The following RPIA variants were observed in gnomAD, a reference collection of about 807,000 sequenced individuals.
RPIA encodes ribose-5-phosphate isomerase.
RPIA carries 29 observed loss-of-function variants against 37.8 expected under a neutral mutation model. That is an observed-to-expected ratio of 0.77 (90% CI 0.57 to 1.05). The LOEUF is 1.05. Ranked by LOEUF, RPIA falls within the 50% of genes least tolerant of loss-of-function variation. The pLI, the probability that RPIA is intolerant of heterozygous loss-of-function variation, is 0.00. For synonymous variants in RPIA, 167 were observed against 157.0 expected (o/e 1.06, Z -0.48); for missense variants, 385 against 413.6 (o/e 0.93, Z 0.60).
intron 1 of RPIA, among the ~76,000 whole-genome samples, chr2:88,696,737 T>TG (rs1672753328): frequency 6.6e-6 from 1 of 152,314 alleles, no homozygotes; most frequent in African/African-American, 2.4e-5. Flanking sequence ...TAATTTATAA[T>TG]GAACAGAAAT....
At position 88,698,503 on chromosome 2, in the gene RPIA, T is replaced by C. The variant is rs749362286; in HGVS notation, c.305T>C (p.Ile102Thr). The C allele has an allele frequency of 1.2e-6, 2 of 1,614,210 alleles. No homozygotes were observed. Among genetic ancestry groups the C allele is most frequent in the Non-Finnish European group, 1.7e-6 (2 of 1,180,014 alleles). ...TGGCAGAATAACCAAGTGCTGGGAA[T>C]TGGAAGTGGTTCTACAATTGTCCAT... ...NHVRNNQVLGIGSGSTIVHAV... is the reference protein window; with the variant it reads ...NHVRNNQVLGTGSGSTIVHAV... The change falls in exon 2 of 9, where the codon ATT (isoleucine) becomes ACT (threonine). Residue 102 changes from isoleucine (I) to threonine (T), a missense_variant. By Grantham distance (89) the Ile-to-Thr change is moderately conservative (BLOSUM62 -1). Coordinates refer to ENST00000283646, the MANE Select transcript of RPIA (RefSeq NM_144563.3).
At chr2:88,699,557 G>A (rs1672802840) in intron 2 of RPIA, among the ~76,000 whole-genome samples, 1 of 152,050 alleles carries the variant, frequency 6.6e-6, no homozygotes, top group Admixed American at 6.6e-5. Context: ...GGCAATATAG[G>A]GGAGTTAAGA....
At chr2:88,738,099 G>C in intron 8 of RPIA, 23 bp downstream of exon 8, 5 of 1,513,952 alleles carry the variant, frequency 3.3e-6, no homozygotes, top group African/African-American at 1.4e-5. Flanking sequence ...GTGTTCACCA[G>C]TCATATACAC....
chr2:88,727,458 T>C (rs924371888), intron 3 of RPIA, among the ~76,000 whole-genome samples: 10 of 151,702 alleles, frequency 6.6e-5, no homozygotes, highest in African/African-American at 2.4e-4. Context: ...TAGGTAAACA[T>C]GTCATGGGGG....
chr2:88,737,930 C>T, intron 7 of RPIA, 47 bp from the exon 8 acceptor site: 15 of 1,408,102 alleles, frequency 1.1e-5, no homozygotes, highest in Non-Finnish European at 1.4e-5. Flanking sequence ...TCCTTCTCTG[C>T]CTACCTGTAT....
chr2:88,691,916 C>G lies in RPIA; in HGVS notation c.218C>G (p.Ser73Cys), dbSNP rs372920523. The G allele has an allele frequency of 3.4e-5, 55 of 1,595,506 alleles. No individual in the cohort carries two copies. The East Asian group carries it at 1.2e-3, about 36-fold the overall frequency. Residue 73 changes from serine to cysteine, a missense_variant, in exon 1 of 9, where the codon TCC becomes TGC. By Grantham distance (112) the Ser-to-Cys change is moderately radical (BLOSUM62 -1). Coordinates refer to ENST00000283646, the MANE Select transcript of RPIA (RefSeq NM_144563.3). ...TCCAACAGCATCTGCCCGGCCCCCT[C>G]CACGATGTCCAAGGCCGAGGAGGCC... ...GDSNSICPAPSTMSKAEEAKK... is the reference protein window; with the variant it reads ...GDSNSICPAPCTMSKAEEAKK...
intron 3 of RPIA, among the ~76,000 whole-genome samples, chr2:88,729,008 T>C (rs1673231284): frequency 6.6e-6 from 1 of 152,228 alleles, no homozygotes; most frequent in African/African-American, 2.4e-5. Context: ...CGTGGCATTC[T>C]CTTTCATCAC....
chr2:88,742,181 T>A (rs1673390638), intron 8 of RPIA, among the ~76,000 whole-genome samples: 1 of 152,254 alleles, frequency 6.6e-6, no homozygotes, highest in African/African-American at 2.4e-5. Flanking sequence ...GTTTTTATAG[T>A]TTCAAGTCTT....
chr2:88,748,187 G>A (rs759680829), intron 8 of RPIA, among the ~76,000 whole-genome samples: 3 of 152,002 alleles, frequency 2.0e-5, no homozygotes, highest in Non-Finnish European at 1.5e-5. Context: ...AACTCCTCCC[G>A]CCCCACCCCT....
At chr2:88,711,281 C>CT (rs2104092908) in intron 3 of RPIA, among the ~76,000 whole-genome samples, 1 of 152,300 alleles carries the variant, frequency 6.6e-6, no homozygotes, top group African/African-American at 2.4e-5. Flanking sequence ...CAAGCTATAG[C>CT]TTGGTTTTAT....
chr2:88,729,223 T>C (rs565250547), intron 3 of RPIA, 55 bp from the exon 4 acceptor site: 2 of 1,578,654 alleles, frequency 1.3e-6, no homozygotes, highest in East Asian at 2.2e-5. Context: ...ATTCTGAGAA[T>C]CCTTGTCATG....
At chr2:88,706,805 G>C (rs1200242421) in intron 3 of RPIA, among the ~76,000 whole-genome samples, 1 of 152,134 alleles carries the variant, frequency 6.6e-6, no homozygotes, top group Non-Finnish European at 1.5e-5. Context: ...ATGTAGAACT[G>C]AAATTGGACT....
At chr2:88,710,750 C>G (rs1672951799) in intron 3 of RPIA, among the ~76,000 whole-genome samples, 1 of 152,200 alleles carries the variant, frequency 6.6e-6, no homozygotes, top group Non-Finnish European at 1.5e-5. Flanking sequence ...AACTCTCCTT[C>G]AATAGCTTCA....
chr2:88,727,608 C>T (rs1673215162), intron 3 of RPIA, among the ~76,000 whole-genome samples: 1 of 152,170 alleles, frequency 6.6e-6, no homozygotes, highest in Non-Finnish European at 1.5e-5. Flanking sequence ...TCTGTTAGCT[C>T]CCACTTACAA....
At chr2:88,741,307 G>A (rs950643472) in intron 8 of RPIA, among the ~76,000 whole-genome samples, 10 of 152,088 alleles carry the variant, frequency 6.6e-5, no homozygotes, top group South Asian at 4.2e-4. Flanking sequence ...GAGAACATAC[G>A]ATGTTTGGGT....
At chr2:88,712,224 C>T (rs907390720) in intron 3 of RPIA, among the ~76,000 whole-genome samples, 8 of 152,118 alleles carry the variant, frequency 5.3e-5, no homozygotes, top group Admixed American at 5.2e-4. Flanking sequence ...GCAGGTGTCT[C>T]AGGATCTGGA....
intron 1 of RPIA, among the ~76,000 whole-genome samples, chr2:88,693,134 C>G (rs769627953): frequency 6.6e-6 from 1 of 152,160 alleles, no homozygotes. Context: ...GCTGAAATTT[C>G]AAAATATCTG....
intron 3 of RPIA, among the ~76,000 whole-genome samples, chr2:88,700,526 C>T (rs1389308468): frequency 6.6e-6 from 1 of 152,098 alleles, no homozygotes. Flanking sequence ...GTGGCTTGTA[C>T]CTGTAGTTCC....
intron 1 of RPIA, among the ~76,000 whole-genome samples, chr2:88,697,137 C>T (rs1672757350): frequency 6.6e-6 from 1 of 152,232 alleles, no homozygotes; most frequent in Non-Finnish European, 1.5e-5. Context: ...ATACAGTCGT[C>T]ATATATCTTA....
Sources: allele counts gnomAD v4.1 joint callset (sites outside exome capture counted in the v4.1 genomes callset), GRCh38; gene constraint gnomAD v4.1.1; transcripts MANE v1.5; gene names NCBI Gene and HGNC (gene_info 2026-07-23, HGNC 2026-07-21).